Variants in ABHD2 observed in about 807,000 individuals in gnomAD.
ABHD2 encodes abhydrolase domain containing 2, acylglycerol lipase.
ABHD2 carries 20 observed loss-of-function variants against 48.1 expected under a neutral mutation model. The ratio of observed to expected loss-of-function variants is 0.42; its 90% CI spans 0.29 to 0.60. The LOEUF is 0.60. ABHD2 is among the 20% of genes least tolerant of loss of function. The pLI is 0.24. For missense variants in ABHD2, 405 were observed against 550.9 expected, an observed-to-expected ratio of 0.74 and a Z score of 2.65; for synonymous variants, 209 against 214.2, an observed-to-expected ratio of 0.98 and a Z score of 0.21.
chr15:89,141,843 C>T (rs1248900141), intron 3 of ABHD2, among the ~76,000 whole-genome samples: 8 of 152,214 alleles, frequency 5.3e-5, no homozygotes, highest in Admixed American at 4.6e-4. Flanking sequence ...CTCCGTGTTG[C>T]TGAAAAGCCC....
At chr15:89,131,711 G>C (rs1174337476) in intron 3 of ABHD2, among the ~76,000 whole-genome samples, 1 of 152,194 alleles carries the variant, frequency 6.6e-6, no homozygotes, top group Non-Finnish European at 1.5e-5. Context: ...TGACTTCTTT[G>C]TGGCTAATAT....
intron 1 of ABHD2, among the ~76,000 whole-genome samples, chr15:89,108,694 G>A (rs921928893): frequency 2.0e-5 from 3 of 152,312 alleles, no homozygotes; most frequent in Admixed American, 2.0e-4. Flanking sequence ...TCCCATGCAG[G>A]TGGAATGAAT....
At chr15:89,089,200 G>A (rs1298440881) in intron 1 of ABHD2, among the ~76,000 whole-genome samples, 1 of 152,262 alleles carries the variant, frequency 6.6e-6, no homozygotes, top group Non-Finnish European at 1.5e-5. Flanking sequence ...CCTTGGCGAT[G>A]TCCAAGCAGT....
At chr15:89,067,229 C>A in the ABHD2 span, among the ~76,000 whole-genome samples, 9 of 152,138 alleles carry the variant, frequency 5.9e-5, no homozygotes, top group East Asian at 3.9e-4. Flanking sequence ...TATTGGTGAT[C>A]AAACAAAGAA....
In ABHD2 at chr15:89,185,429, A is replaced by G; in HGVS notation, c.728A>G (p.Gln243Arg). 3 of 1,614,116 alleles carry G rather than the reference A, an allele frequency of 1.9e-6. No individual in the cohort carries two copies. The highest frequency in any genetic ancestry group is 2.5e-6 in the Non-Finnish European group (3 of 1,179,966). The change falls in exon 7 of 11, where the codon CAG (glutamine) becomes CGG (arginine). Residue 243 changes from glutamine to arginine, a missense_variant. Coordinates refer to ENST00000352732, the MANE Select transcript of ABHD2 (RefSeq NM_152924.5). This position sits in a 1 kb window ranked among gnomAD's most constrained non-coding sequence, Gnocchi z 5.9. ...ACTCGCTGTGGTTCTTCCAGGGCCC[A>G]GGAAACCTTCATGCAATGGGATCAG... Reference protein sequence around the residue: ...VCQGYSALRAQETFMQWDQCR... With the variant: ...VCQGYSALRARETFMQWDQCR...
At chr15:89,108,526 G>T (rs1000517755) in intron 1 of ABHD2, among the ~76,000 whole-genome samples, 8 of 152,196 alleles carry the variant, frequency 5.3e-5, no homozygotes, top group African/African-American at 1.9e-4. Flanking sequence ...GTTTCAGATG[G>T]ACATGAATTT....
In ABHD2 at chr15:89,189,031, C is replaced by T. The variant is rs1440190850; in HGVS notation, c.926+728C>T. On this transcript the variant is annotated intron_variant, in intron 8 of 10. Transcript: ENST00000352732. This position sits in a 1 kb window ranked among gnomAD's most constrained non-coding sequence, Gnocchi z 4.9. Reference sequence around the variant, plus strand: ...ATACTGCCCACTTCATTCATCTACTCTTTATCTGCCTCTCTCCTCCAGGCA... The same window carrying T: ...ATACTGCCCACTTCATTCATCTACTTTTTATCTGCCTCTCTCCTCCAGGCA... Among the ~76,000 whole-genome samples the T allele has an allele frequency of 6.6e-6, 1 of 152,212 alleles. No individual in the cohort carries two copies. The highest frequency in any genetic ancestry group is 1.5e-5 in the Non-Finnish European group (1 of 68,032).
chr15:89,086,604 G>A (rs1019892600), upstream of ABHD2, among the ~76,000 whole-genome samples: 8 of 152,092 alleles, frequency 5.3e-5, no homozygotes, highest in African/African-American at 1.9e-4. Context: ...TTGTAGAGAC[G>A]GGGTCTCACT....
the ABHD2 span, among the ~76,000 whole-genome samples, chr15:89,079,246 C>T: frequency 0.032 from 4,916 of 152,254 alleles, 271 homozygotes; most frequent in African/African-American, 0.11. The surrounding 1 kb of genome is among the most constrained non-coding windows in gnomAD (Gnocchi z 4.3). Flanking sequence ...GTAGATTCAG[C>T]GAGTGCTAAT....
intron 1 of ABHD2, among the ~76,000 whole-genome samples, chr15:89,096,995 A>T (rs887240611): frequency 2.0e-5 from 3 of 152,236 alleles, no homozygotes; most frequent in Admixed American, 6.5e-5. Flanking sequence ...CAGGCAACTC[A>T]TCAGCCCAGG....
rs1261513850 is a variant in ABHD2, at chr15:89,166,720, C to T, written c.539-9092C>T. Among the ~76,000 whole-genome samples the T allele has an allele frequency of 2.0e-5, 3 of 152,016 alleles. No individual in the cohort carries two copies. The highest frequency in any genetic ancestry group is 1.9e-4 in the East Asian group (1 of 5,186). ...TCTGTAGTCCCGGCTACTCTAGAAG[C>T]GCTGTGCCCAGGAGTTCAAGGCTAC... On this transcript the variant is annotated intron_variant, in intron 5 of 10. Transcript: ENST00000352732. This position sits in a 1 kb window ranked among gnomAD's most constrained non-coding sequence, Gnocchi z 4.6.
chr15:89,154,821 G>T (rs2050645055), intron 4 of ABHD2, among the ~76,000 whole-genome samples: 1 of 152,186 alleles, frequency 6.6e-6, no homozygotes, highest in Non-Finnish European at 1.5e-5. Flanking sequence ...ATATGCAAAA[G>T]AATATGTATT....
At chr15:89,125,994 T>G (rs1408841946) in intron 3 of ABHD2, among the ~76,000 whole-genome samples, 1 of 152,186 alleles carries the variant, frequency 6.6e-6, no homozygotes, top group Non-Finnish European at 1.5e-5. Context: ...TTAGTTCAGA[T>G]GGAAAAAGGC....
At chr15:89,081,343 T>G in the ABHD2 span, among the ~76,000 whole-genome samples, 1 of 151,956 alleles carries the variant, frequency 6.6e-6, no homozygotes, top group African/African-American at 2.4e-5. Flanking sequence ...GAAAGCTGAA[T>G]AGTATTCCAT....
the ABHD2 span, among the ~76,000 whole-genome samples, chr15:89,051,035 C>A: frequency 6.6e-6 from 1 of 152,148 alleles, no homozygotes; most frequent in African/African-American, 2.4e-5. Flanking sequence ...GAGTTGGAGA[C>A]AAGCCTGGCC....
the ABHD2 span, among the ~76,000 whole-genome samples, chr15:89,063,039 C>T: frequency 1.3e-5 from 2 of 150,256 alleles, no homozygotes; most frequent in Non-Finnish European, 3.0e-5. Context: ...ATGATCTCAG[C>T]TCACTGCAAC....
intron 5 of ABHD2, among the ~76,000 whole-genome samples, chr15:89,157,201 T>C (rs2050688790): frequency 6.6e-6 from 1 of 152,256 alleles, no homozygotes. Flanking sequence ...CTGTAAATAC[T>C]GTGTCTTGTA....
rs12438812 is a variant in ABHD2 at position 89,185,904 on chromosome 15, C to T, written c.815+388C>T. ...GTCGCTTGAACCCAGGAGGCGGAGGCTGCAGCGAGCCAAGATTGCGCCAAT... is the reference window on the plus strand; with the variant it reads ...GTCGCTTGAACCCAGGAGGCGGAGGTTGCAGCGAGCCAAGATTGCGCCAAT... On this transcript the variant is annotated intron_variant, in intron 7 of 10. Coordinates refer to ENST00000352732, the MANE Select transcript of ABHD2 (RefSeq NM_152924.5). The surrounding 1 kb of genome is among the most constrained non-coding windows in gnomAD (Gnocchi z 5.9). Among the ~76,000 whole-genome samples, 71,099 of 151,966 alleles carry T rather than the reference C, an allele frequency of 0.47. 16,888 individuals are homozygous for T. The highest frequency in any genetic ancestry group is 0.49 in the African/African-American group (20,292 of 41,460).
In ABHD2 at chr15:89,185,885, T is replaced by G. The variant is rs920835906; in HGVS notation, c.815+369T>G. ...GGGAGGCTGAGGCAGGAGAGTCGCT[T>G]GAACCCAGGAGGCGGAGGCTGCAGC... is the stretch of plus-strand genomic sequence containing the variant. On this transcript the variant is annotated intron_variant, in intron 7 of 10. Transcript: ENST00000352732. This position sits in a 1 kb window ranked among gnomAD's most constrained non-coding sequence, Gnocchi z 5.9. Among the ~76,000 whole-genome samples, 1 of 152,184 alleles carries G rather than the reference T, an allele frequency of 6.6e-6. No individual in the cohort carries two copies. Among genetic ancestry groups the G allele is most frequent in the Non-Finnish European group, 1.5e-5 (1 of 68,026 alleles).
Sources: allele counts gnomAD v4.1 joint callset (sites outside exome capture counted in the v4.1 genomes callset), GRCh38; gene constraint gnomAD v4.1.1; non-coding constraint Gnocchi (gnomAD v3.1); transcripts MANE v1.5; gene names NCBI Gene and HGNC (gene_info 2026-07-23, HGNC 2026-07-21).